PDXK: variants seen among roughly 807,000 people sequenced by gnomAD.
PDXK encodes epididymis secretory sperm binding protein Li 1a.
Under a neutral mutation model 43.2 loss-of-function variants are expected in PDXK, and 15 were observed. That is an observed-to-expected ratio of 0.35 (90% CI 0.23 to 0.53). The LOEUF (loss-of-function observed/expected upper bound fraction) is 0.53. Among genes scored for constraint, PDXK ranks in the 20% least tolerant of loss-of-function variants. The pLI is 0.92. For missense variants in PDXK, 343 were observed against 417.0 expected, an observed-to-expected ratio of 0.82 and a Z score of 1.54; for synonymous variants, 172 against 165.4, an observed-to-expected ratio of 1.04 and a Z score of -0.31.
chr21:43,733,258 C>CCA (rs2083347606), intron 1 of PDXK, among the ~76,000 whole-genome samples: 1 of 111,034 alleles, frequency 9.0e-6, no homozygotes, highest in African/African-American at 3.6e-5. Flanking sequence ...TCCCCACCCC[C>CCA]CCCCCCGCCC....
At chr21:43,728,128 C>T (rs1029718720) in intron 1 of PDXK, among the ~76,000 whole-genome samples, 1 of 152,138 alleles carries the variant, frequency 6.6e-6, no homozygotes. Context: ...AAGGCTGAGG[C>T]AGGGGTGGGT....
At position 43,756,991 on chromosome 21, in the gene PDXK, T is replaced by A. The variant is rs1281805138; in HGVS notation, c.*928T>A. ...AGCATTTGTAGACAGGACAGAGGGG[T>A]GCCTGCCCCCTGCCCCTGCTGGCAC... On this transcript the variant is annotated 3_prime_UTR_variant, in exon 11 of 11. Coordinates refer to ENST00000291565, the MANE Select transcript of PDXK (RefSeq NM_003681.5). 1 of 152,388 alleles carries A rather than the reference T, an allele frequency of 6.6e-6. No homozygotes were observed. The highest frequency in any genetic ancestry group is 6.5e-5 in the Admixed American group (1 of 15,290). 9.4% of individuals were successfully genotyped at this position (152,388 alleles called of 1,614,324 possible).
At chr21:43,746,915 T>C (rs2083648665) in intron 5 of PDXK, among the ~76,000 whole-genome samples, 1 of 152,148 alleles carries the variant, frequency 6.6e-6, no homozygotes, top group South Asian at 2.1e-4. Context: ...GGTGGCTGGC[T>C]TGAGCCCAGG....
chr21:43,744,628 A>G (rs1452255263), intron 4 of PDXK: 1 of 152,240 alleles, frequency 6.6e-6, no homozygotes, highest in African/African-American at 2.4e-5. Context: ...GAAAATAGCA[A>G]GTGTGAGCGA....
At chr21:43,753,794 G>A (rs2083798728) in intron 9 of PDXK, 75 bp downstream of exon 9, 1 of 1,483,932 alleles carries the variant, frequency 6.7e-7, no homozygotes, top group Non-Finnish European at 9.1e-7. Context: ...GAGAGTCCTG[G>A]TGGGGGGTCC....
rs552692881 is a variant in PDXK at position 43,734,589 on chromosome 21, G to A, written c.142+466G>A. On this transcript the variant is annotated intron_variant, in intron 2 of 10. Coordinates refer to ENST00000291565, the MANE Select transcript of PDXK (RefSeq NM_003681.5). This position sits in a 1 kb window ranked among gnomAD's most constrained non-coding sequence, Gnocchi z 5.0. ...CCATGGGGTGGTCGTGCTGGGGGAT[G>A]TGTAGGTGGTTCTGGGTTTTCTCTG... Among the ~76,000 whole-genome samples the A allele has an allele frequency of 6.6e-6, 1 of 152,298 alleles. No homozygotes were observed. The highest frequency in any genetic ancestry group is 6.5e-5 in the Admixed American group (1 of 15,298).
chr21:43,737,098 C>T lies in PDXK; in HGVS notation c.142+2975C>T, dbSNP rs2083417001. The T allele has an allele frequency of 2.1e-6, 2 of 936,620 alleles. No homozygotes were observed. The highest frequency in any genetic ancestry group is 2.6e-5 in the East Asian group (1 of 38,178). The allele number at this position is 936,620 out of a possible 1,614,324, so 58.0% of individuals were successfully genotyped here. A position where few individuals can be genotyped will look rare whatever the true frequency, so the allele number is the denominator to read the frequency against. On this transcript the variant is annotated intron_variant, in intron 2 of 10. Transcript: ENST00000291565. The surrounding 1 kb of genome is among the most constrained non-coding windows in gnomAD (Gnocchi z 4.8). ...TAGTTGTGCACCAGCACGCCCACCT[C>T]CTGCCCAGGGTTGTTACTGGGGTGG...
In PDXK at chr21:43,732,454, G is replaced by A. The variant is rs752593956; in HGVS notation, c.88-1615G>A. On this transcript the variant is annotated intron_variant, in intron 1 of 10. Transcript: ENST00000291565. This position sits in a 1 kb window ranked among gnomAD's most constrained non-coding sequence, Gnocchi z 4.1. The stretch of plus-strand genomic sequence containing the variant: ...CTGATTTTGATGGGGTGTGTGAAAC[G>A]GAGATGCCAGCCCAGGGGCTCAGCT... The A allele has an allele frequency of 2.3e-5, 37 of 1,611,328 alleles. No individual in the cohort carries two copies. In the East Asian group the frequency reaches 3.8e-4, roughly 16 times the overall value.
chr21:43,753,441 C>G lies in PDXK; in HGVS notation c.623-142C>G, dbSNP rs1568993119. ...ATGGGGACCCCATGCATGCCCTGAG[C>G]CCCCACGTCCTGAGCAAGGCCACCT... On this transcript the variant is annotated intron_variant, in intron 8 of 10. Coordinates refer to ENST00000291565, the MANE Select transcript of PDXK (RefSeq NM_003681.5). 6 of 686,778 alleles carry G rather than the reference C, an allele frequency of 8.7e-6. No homozygotes were observed. In the East Asian group the frequency reaches 1.9e-4, roughly 21 times the overall value. 42.5% of individuals were successfully genotyped at this position (686,778 alleles called of 1,614,324 possible).
intron 6 of PDXK, among the ~76,000 whole-genome samples, chr21:43,749,721 G>A (rs752284199): frequency 2.0e-5 from 3 of 152,226 alleles, no homozygotes; most frequent in African/African-American, 4.8e-5. Context: ...GAGAGGAAGA[G>A]GAGGGGCGAC....
rs548424506 is a variant in PDXK at position 43,735,048 on chromosome 21, A to G, written c.142+925A>G. 1.3e-5 allele frequency among the ~76,000 whole-genome samples: 2 copies of G among 152,290 alleles called. No individual in the cohort carries two copies. Among genetic ancestry groups the G allele is most frequent in the African/African-American group, 4.8e-5 (2 of 41,554 alleles). On this transcript the variant is annotated intron_variant, in intron 2 of 10. Transcript: ENST00000291565. This position sits in a 1 kb window ranked among gnomAD's most constrained non-coding sequence, Gnocchi z 5.3. Reference sequence around the variant, plus strand: ...CATGACACGTGCTAAGTGAGAGGAAAGAGTTGCTTGGCCGGTGCAGACGGA... The same window carrying G: ...CATGACACGTGCTAAGTGAGAGGAAGGAGTTGCTTGGCCGGTGCAGACGGA...
At chr21:43,741,853 C>T in intron 3 of PDXK, 82 bp downstream of exon 3, 3 of 878,238 alleles carry the variant, frequency 3.4e-6, no homozygotes, top group South Asian at 1.4e-5. Context: ...AGAGCACCCC[C>T]GCCCTGGGCC....
chr21:43,742,068 G>A (rs911665264), intron 3 of PDXK, among the ~76,000 whole-genome samples: 2 of 152,172 alleles, frequency 1.3e-5, no homozygotes, highest in East Asian at 1.9e-4. Context: ...AACGCTGACC[G>A]GGGCAGGACA....
In PDXK at chr21:43,753,619, G is replaced by A. The variant is rs759333796; in HGVS notation, c.659G>A (p.Arg220Gln). 17 of 1,613,392 alleles carry A rather than the reference G, an allele frequency of 1.1e-5. No homozygotes were observed. Among genetic ancestry groups the A allele is most frequent in the Non-Finnish European group, 1.4e-5 (16 of 1,179,636 alleles). The stretch of plus-strand genomic sequence containing the variant: ...GGCTCCGTGGTGATGGAACGCATCC[G>A]GATGGACATTCGCAAAGTGGACGCC... ...PAGSVVMERI[R>Q]MDIRKVDAVF... Residue 220 changes from arginine (R) to glutamine (Q), a missense_variant, in exon 9 of 11, where the codon CGG (arginine) becomes CAG (glutamine). By Grantham distance (43) the Arg-to-Gln change is conservative. Transcript: ENST00000291565.
chr21:43,740,705 A>G (rs746105446), intron 2 of PDXK, among the ~76,000 whole-genome samples: 1 of 151,852 alleles, frequency 6.6e-6, no homozygotes, highest in Non-Finnish European at 1.5e-5. Context: ...TGGGACGGAC[A>G]CTTCACCCTG....
rs568224804 is a variant in PDXK at position 43,724,832 on chromosome 21, C to A, written c.87+5451C>A. ...CTCCAGCCTGGGTGACAGAGTGAGA[C>A]CCTGTCTCAAAAAAAAAAAAAAGTA... On this transcript the variant is annotated intron_variant, in intron 1 of 10. Transcript: ENST00000291565. 2.0e-3 allele frequency among the ~76,000 whole-genome samples: 292 copies of A among 148,698 alleles called. 2 individuals are homozygous for A. Among genetic ancestry groups the A allele is most frequent in the African/African-American group, 7.2e-3 (286 of 39,918 alleles).
At position 43,732,540 on chromosome 21, in the gene PDXK, C is replaced by T. The variant is rs1475174541; in HGVS notation, c.88-1529C>T. ...CTTCATTCTCGGATACGTTTGCCAG[C>T]CCCAAAGGATTAATTATCTACACAC... On this transcript the variant is annotated intron_variant, in intron 1 of 10. Transcript: ENST00000291565. This position sits in a 1 kb window ranked among gnomAD's most constrained non-coding sequence, Gnocchi z 4.1. The T allele has an allele frequency of 1.8e-6, 2 of 1,110,592 alleles. No individual in the cohort carries two copies. Among genetic ancestry groups the T allele is most frequent in the East Asian group, 2.3e-5 (1 of 42,628 alleles). 68.8% of individuals were successfully genotyped at this position (1,110,592 alleles called of 1,614,324 possible).
At chr21:43,746,249 G>A in intron 5 of PDXK, 124 bp downstream of exon 5, 1 of 775,440 alleles carries the variant, frequency 1.3e-6, no homozygotes, top group Non-Finnish European at 2.3e-6. Flanking sequence ...GGGGTAAAAA[G>A]ACAAACCTTG....
At chr21:43,753,859 C>A in intron 9 of PDXK, 140 bp downstream of exon 9, 1 of 966,932 alleles carries the variant, frequency 1.0e-6, no homozygotes, top group East Asian at 2.7e-5. Flanking sequence ...TGGGGGAGGG[C>A]AGTGGCCAGG....
Sources: allele counts gnomAD v4.1 joint callset (sites outside exome capture counted in the v4.1 genomes callset), GRCh38; gene constraint gnomAD v4.1.1; non-coding constraint Gnocchi (gnomAD v3.1); transcripts MANE v1.5; gene names NCBI Gene and HGNC (gene_info 2026-07-23, HGNC 2026-07-21).